The following MCTP1 variants were observed in gnomAD, a reference collection of about 807,000 sequenced individuals.
MCTP1 encodes multiple C2 and transmembrane domain-containing protein 1.
In MCTP1, 69 loss-of-function variants were observed where a neutral mutation model predicts 120.6. That is an observed-to-expected ratio of 0.57 (90% confidence interval 0.47 to 0.70). The LOEUF is 0.70. Ranked by LOEUF, MCTP1 falls within the 30% of genes least tolerant of loss-of-function variation. MCTP1 has a pLI of 0.00. For synonymous variants in MCTP1, 529 were observed against 493.1 expected, an observed-to-expected ratio of 1.07 and a Z score of -0.96; for missense variants, 1,203 against 1,248.8, an observed-to-expected ratio of 0.96 and a Z score of 0.55.
chr5:95,000,200 C>A (rs569895655), intron 2 of MCTP1, among the ~76,000 whole-genome samples: 3 of 152,102 alleles, frequency 2.0e-5, no homozygotes, highest in Admixed American at 1.3e-4. Context: ...TGTAAAGCTA[C>A]GGTGCTGCCA....
intron 17 of MCTP1, among the ~76,000 whole-genome samples, chr5:94,845,030 A>G (rs1424956528): frequency 6.6e-6 from 1 of 152,224 alleles, no homozygotes; most frequent in Non-Finnish European, 1.5e-5. Flanking sequence ...TCAACAGAAT[A>G]AACAGACAAC....
chr5:94,861,828 A>G (rs1018024255), intron 17 of MCTP1, among the ~76,000 whole-genome samples: 6 of 151,766 alleles, frequency 4.0e-5, no homozygotes, highest in African/African-American at 1.2e-4. Context: ...TGACCATGTA[A>G]CAATTTTTAA....
intron 1 of MCTP1, among the ~76,000 whole-genome samples, chr5:95,115,958 C>A (rs1338195388): frequency 3.3e-5 from 5 of 151,452 alleles, no homozygotes; most frequent in African/African-American, 1.2e-4. Flanking sequence ...CCTCACAGAC[C>A]AGAAGATAGT....
intron 1 of MCTP1, among the ~76,000 whole-genome samples, chr5:95,129,194 C>G (rs986477863): frequency 6.6e-6 from 1 of 152,208 alleles, no homozygotes; most frequent in African/African-American, 2.4e-5. Context: ...AGCTCAAGAA[C>G]ATCTCACAGA....
At chr5:94,878,559 A>T (rs1799408813) in intron 12 of MCTP1, among the ~76,000 whole-genome samples, 2 of 152,120 alleles carry the variant, frequency 1.3e-5, no homozygotes, top group Non-Finnish European at 2.9e-5. Context: ...CTATCCTGGA[A>T]TAAAACTGAC....
intron 3 of MCTP1, among the ~76,000 whole-genome samples, chr5:94,949,846 G>A (rs148703388): frequency 1.4e-3 from 219 of 152,186 alleles, no homozygotes; most frequent in African/African-American, 4.7e-3. Context: ...ATCTGTTGTG[G>A]AGGATGTGGG....
intron 1 of MCTP1, among the ~76,000 whole-genome samples, chr5:95,103,454 G>T (rs1368862418): frequency 6.6e-6 from 1 of 152,136 alleles, no homozygotes; most frequent in East Asian, 1.9e-4. Flanking sequence ...GCAAGGGATA[G>T]GACTGTGATA....
intron 1 of MCTP1, among the ~76,000 whole-genome samples, chr5:95,260,905 A>G (rs1483759836): frequency 1.3e-5 from 2 of 152,192 alleles, no homozygotes; most frequent in Non-Finnish European, 2.9e-5. Context: ...TAATGGAGTG[A>G]TAAACAATTC....
intron 1 of MCTP1, among the ~76,000 whole-genome samples, chr5:95,112,082 C>T (rs561888254): frequency 1.4e-3 from 206 of 152,268 alleles, no homozygotes; most frequent in African/African-American, 4.8e-3. Context: ...TATAACTATC[C>T]ACTGGACTCC....
intron 19 of MCTP1, among the ~76,000 whole-genome samples, chr5:94,732,670 T>G (rs1363521415): frequency 1.3e-5 from 2 of 152,186 alleles, no homozygotes; most frequent in Non-Finnish European, 2.9e-5. Context: ...GGAACTCTTA[T>G]GAGTGGGATT....
At chr5:95,232,129 T>A in intron 1 of MCTP1, among the ~76,000 whole-genome samples, 2 of 131,368 alleles carry the variant, frequency 1.5e-5, no homozygotes, top group Admixed American at 8.2e-5. Context: ...ATAAAACCAC[T>A]GCCAGATAAG....
intron 1 of MCTP1, among the ~76,000 whole-genome samples, chr5:95,249,469 C>T (rs909563068): frequency 3.9e-5 from 6 of 152,062 alleles, no homozygotes; most frequent in South Asian, 2.1e-4. Flanking sequence ...TACCATCTCA[C>T]GCCAGTTAGA....
chr5:94,775,267 A>G (rs984479134), intron 19 of MCTP1, among the ~76,000 whole-genome samples: 1 of 152,228 alleles, frequency 6.6e-6, no homozygotes, highest in African/African-American at 2.4e-5. Context: ...CCTGCATTTT[A>G]TCTTCTGCTT....
Position 95,076,452 on chromosome 5 carries a change from GAA to G in MCTP1, c.721-58970_721-58969del, listed in dbSNP as rs34708532. 6.7e-3 allele frequency among the ~76,000 whole-genome samples: 870 copies of G among 130,712 alleles called. 3 individuals are homozygous for G. Among genetic ancestry groups the G allele is most frequent in the African/African-American group, 0.011 (386 of 34,690 alleles). 85.8% of individuals were successfully genotyped at this position (130,712 alleles called of 152,430 possible). A position where few individuals can be genotyped will look rare whatever the true frequency, so the allele number is the denominator to read the frequency against. ...CACAGGAACCATTAAGCTGAAAAAG[GAA>G]AAAAAAAAAAAAAAAGGAATCCCTA... On this transcript the variant is annotated intron_variant, in intron 1 of 22. Coordinates refer to ENST00000515393, the MANE Select transcript of MCTP1 (RefSeq NM_024717.7).
chr5:95,241,861 G>A (rs938098250), intron 1 of MCTP1, among the ~76,000 whole-genome samples: 5 of 152,222 alleles, frequency 3.3e-5, no homozygotes, highest in South Asian at 2.1e-4. Flanking sequence ...GCACAATTCC[G>A]CAAAGCAAAA....
intron 2 of MCTP1, among the ~76,000 whole-genome samples, chr5:95,003,895 T>C (rs533767515): frequency 1.3e-5 from 2 of 152,290 alleles, no homozygotes; most frequent in African/African-American, 4.8e-5. Flanking sequence ...GCAGCAGCTA[T>C]GGAACTGGGC....
At chr5:94,919,023 T>G (rs1810875797) in intron 7 of MCTP1, among the ~76,000 whole-genome samples, 1 of 152,076 alleles carries the variant, frequency 6.6e-6, no homozygotes, top group Non-Finnish European at 1.5e-5. Context: ...GACTAAGAAA[T>G]TCATGGTACA....
intron 19 of MCTP1, among the ~76,000 whole-genome samples, chr5:94,755,828 C>CT (rs1769690163): frequency 6.6e-6 from 1 of 152,162 alleles, no homozygotes; most frequent in African/African-American, 2.4e-5. Flanking sequence ...GGGTAATTCT[C>CT]AAATTTAAAA....
chr5:94,953,436 C>A, intron 2 of MCTP1, 75 bp from the exon 3 acceptor site: 1 of 1,185,732 alleles, frequency 8.4e-7, no homozygotes, highest in Non-Finnish European at 1.1e-6. Flanking sequence ...TTTGAAACAA[C>A]AAAAAGTATT....
Sources: allele counts gnomAD v4.1 joint callset (sites outside exome capture counted in the v4.1 genomes callset), GRCh38; gene constraint gnomAD v4.1.1; transcripts MANE v1.5; gene names NCBI Gene and HGNC (gene_info 2026-07-23, HGNC 2026-07-21).